CD302: variants seen among roughly 807,000 people sequenced by gnomAD.
CD302 encodes CD302 molecule.
CD302 carries 23 observed loss-of-function variants against 26.5 expected under a neutral mutation model. The observed-to-expected ratio is 0.87, with a 90% CI of 0.62 to 1.23. The LOEUF (loss-of-function observed/expected upper bound fraction) is 1.23. CD302 is among the 50% of genes most tolerant of loss of function. CD302 has a pLI of 0.00. For synonymous variants in CD302, 90 were observed against 99.4 expected (o/e 0.91, Z 0.56); for missense variants, 290 against 275.5 (o/e 1.05, Z -0.37).
At chr2:159,776,715 TTTTTTTTG>T (rs1180510436) in intron 5 of CD302, among the ~76,000 whole-genome samples, 263 of 40,286 alleles carry the variant, frequency 6.5e-3, no homozygotes, top group African/African-American at 0.022. Flanking sequence ...TTTTTTTTTT[TTTTTTTTG>T]TGAGATGGAG....
At chr2:159,776,289 C>T (rs1708321709) in intron 5 of CD302, among the ~76,000 whole-genome samples, 1 of 151,512 alleles carries the variant, frequency 6.6e-6, no homozygotes, top group African/African-American at 2.4e-5. Context: ...ATCCCTTCAT[C>T]AGTGGACACT....
At chr2:159,772,520 T>C (rs1248099820) in intron 5 of CD302, among the ~76,000 whole-genome samples, 1 of 152,212 alleles carries the variant, frequency 6.6e-6, no homozygotes, top group African/African-American at 2.4e-5. Context: ...TTTGTGTGTC[T>C]TTGCATTCAT....
At chr2:159,775,577 T>TA (rs1708289468) in intron 5 of CD302, among the ~76,000 whole-genome samples, 1 of 152,222 alleles carries the variant, frequency 6.6e-6, no homozygotes, top group South Asian at 2.1e-4. Context: ...TTCAGCTATT[T>TA]ATCTGTCTCC....
chr2:159,783,508 G>GA, intron 1 of CD302, 39 bp from the exon 2 acceptor site: 1 of 1,484,160 alleles, frequency 6.7e-7, no homozygotes, highest in Non-Finnish European at 9.1e-7. Flanking sequence ...AATAACTTGA[G>GA]AAAAAGAATT....
intron 1 of CD302, among the ~76,000 whole-genome samples, chr2:159,797,352 AAGTCTGTGTTCTCCAG>A (rs2125820341): frequency 6.6e-6 from 1 of 152,238 alleles, no homozygotes; most frequent in East Asian, 1.9e-4. Context: ...GTGTTTTTGG[AAGTCTGTGTTCTCCAG>A]AGTCTCCCCA....
At chr2:159,788,655 C>T (rs1282335069) in intron 1 of CD302, among the ~76,000 whole-genome samples, 3 of 152,132 alleles carry the variant, frequency 2.0e-5, no homozygotes, top group African/African-American at 7.2e-5. Flanking sequence ...TGTGCTTTTC[C>T]CCCTTCTTGC....
At position 159,771,951 on chromosome 2, in the gene CD302, C is replaced by T. The variant is rs756882454; in HGVS notation, c.599G>A (p.Arg200His). Residue 200 changes from arginine to histidine, a missense_variant, in exon 6 of 6, where the codon CGT becomes CAT. By Grantham distance (29) the Arg-to-His change is conservative. Coordinates refer to ENST00000259053, the MANE Select transcript of CD302 (RefSeq NM_014880.5). ...TGCGGTTGAAAAAACTGTGGTGAAA[C>T]GAGAATCAGAATGTTTTTTGTACAG... ...WFLYKKHSDS[R>H]FTTVFSTAPQ... is the part of the protein sequence containing the mutation. 3.7e-6 allele frequency: 6 copies of T among 1,613,790 alleles called. No homozygotes were observed. Among genetic ancestry groups the T allele is most frequent in the Admixed American group, 3.3e-5 (2 of 59,988 alleles).
At chr2:159,775,179 G>T (rs1300308091) in intron 5 of CD302, among the ~76,000 whole-genome samples, 1 of 152,198 alleles carries the variant, frequency 6.6e-6, no homozygotes, top group African/African-American at 2.4e-5. Context: ...CTTGAGAGCA[G>T]AGGCTTTTGT....
chr2:159,787,801 T>C (rs1442549091), intron 1 of CD302, among the ~76,000 whole-genome samples: 1 of 152,162 alleles, frequency 6.6e-6, no homozygotes, highest in Admixed American at 6.5e-5. Context: ...TACTGGAAAC[T>C]CCCTCAGTTC....
intron 1 of CD302, among the ~76,000 whole-genome samples, chr2:159,788,917 T>G (rs1182552946): frequency 6.6e-6 from 1 of 152,218 alleles, no homozygotes; most frequent in Non-Finnish European, 1.5e-5. Context: ...GTATATCCTT[T>G]TGCTCTTTTC....
intron 2 of CD302, among the ~76,000 whole-genome samples, chr2:159,782,855 A>G (rs1383859881): frequency 6.6e-6 from 1 of 152,186 alleles, no homozygotes; most frequent in East Asian, 1.9e-4. Flanking sequence ...CTTCTTTACT[A>G]CAGTCTTACT....
rs1405503368 is a variant in CD302 at position 159,783,447 on chromosome 2, A to C, written c.90T>G (p.Ile30Met). 2 of 1,610,178 alleles carry C rather than the reference A, an allele frequency of 1.2e-6. No homozygotes were observed. The highest frequency in any genetic ancestry group is 2.2e-5 in the South Asian group (2 of 90,018). The change falls in exon 2 of 6, where the codon ATT (isoleucine) becomes ATG (methionine). Residue 30 changes from isoleucine (I) to methionine (M), a missense_variant. Transcript: ENST00000259053. ...AAATGTAACAACTGTCTTGGAACTG[A>C]ATCCAAGTAGATGAAGGACAGTCTA... ...AVADCPSSTW[I>M]QFQDSCYIFL...
At position 159,781,703 on chromosome 2, in the gene CD302, T is replaced by C. The variant is rs547591394; in HGVS notation, c.179-705A>G. 2.0e-5 allele frequency among the ~76,000 whole-genome samples: 3 copies of C among 152,336 alleles called. No individual in the cohort carries two copies. The East Asian group carries it at 5.8e-4, about 29-fold the overall frequency. On this transcript the variant is annotated intron_variant, in intron 2 of 5. Coordinates refer to ENST00000259053, the MANE Select transcript of CD302 (RefSeq NM_014880.5). The stretch of plus-strand genomic sequence containing the variant: ...TATTCTAAGACCAGCAAAATTGCTA[T>C]TATTTTATTTCAACTGCCTTGAAAT...
chr2:159,793,892 A>G (rs72996702), intron 1 of CD302, among the ~76,000 whole-genome samples: 99 of 152,224 alleles, frequency 6.5e-4, no homozygotes, highest in African/African-American at 2.2e-3. Flanking sequence ...GGGGTGTGCC[A>G]TTGTTAATCT....
chr2:159,785,180 T>TCA (rs1708635114), intron 1 of CD302, among the ~76,000 whole-genome samples: 1 of 152,080 alleles, frequency 6.6e-6, no homozygotes, highest in Non-Finnish European at 1.5e-5. Flanking sequence ...CTTGCTATGT[T>TCA]GCCCAGGCTG....
At chr2:159,792,803 A>G (rs1209679125) in intron 1 of CD302, among the ~76,000 whole-genome samples, 4 of 150,672 alleles carry the variant, frequency 2.7e-5, no homozygotes, top group African/African-American at 1.0e-4. Context: ...TCACTTCCCC[A>G]AAACTTTCAA....
At position 159,777,920 on chromosome 2, in the gene CD302, G is replaced by T; in HGVS notation, c.496+18C>A. 9.8e-7 allele frequency: 1 copy of T among 1,018,062 alleles called. No individual in the cohort carries two copies. The highest frequency in any genetic ancestry group is 1.4e-6 in the Non-Finnish European group (1 of 704,694). 63.1% of individuals were successfully genotyped at this position (1,018,062 alleles called of 1,614,324 possible). ...TTTTTAATTGTGGGAAAAATTTAAAGACCAAATCATTACTTACCTGATAAA... is the reference window on the plus strand; with the variant it reads ...TTTTTAATTGTGGGAAAAATTTAAATACCAAATCATTACTTACCTGATAAA... On this transcript the variant is annotated intron_variant, in intron 5 of 5. Coordinates refer to ENST00000259053, the MANE Select transcript of CD302 (RefSeq NM_014880.5).
At chr2:159,786,081 G>A (rs1467834401) in intron 1 of CD302, among the ~76,000 whole-genome samples, 1 of 152,178 alleles carries the variant, frequency 6.6e-6, no homozygotes, top group Non-Finnish European at 1.5e-5. Flanking sequence ...AGTTTTTACA[G>A]ACATCATCAT....
At chr2:159,782,362 G>T (rs563387950) in intron 2 of CD302, among the ~76,000 whole-genome samples, 4 of 137,682 alleles carry the variant, frequency 2.9e-5, no homozygotes, top group Non-Finnish European at 6.0e-5. Flanking sequence ...GCAGTGAGCC[G>T]AGATCACGCC....
Sources: allele counts gnomAD v4.1 joint callset (sites outside exome capture counted in the v4.1 genomes callset), GRCh38; gene constraint gnomAD v4.1.1; transcripts MANE v1.5; gene names NCBI Gene and HGNC (gene_info 2026-07-23, HGNC 2026-07-21).